Variants in SEMA6D observed in about 807,000 individuals in gnomAD.
SEMA6D encodes the protein semaphorin 6D, also known as semaphorin-6D.
SEMA6D carries 35 observed loss-of-function variants against 106.6 expected under a neutral mutation model. The ratio of observed to expected loss-of-function variants is 0.33; its 90% CI spans 0.25 to 0.44. The LOEUF is 0.44. Among genes scored for constraint, SEMA6D ranks in the 20% least tolerant of loss-of-function variants. SEMA6D has a pLI of 1.00. For synonymous variants in SEMA6D, 499 were observed against 487.7 expected, an observed-to-expected ratio of 1.02 and a Z score of -0.31; for missense variants, 1,185 against 1,345.9, an observed-to-expected ratio of 0.88 and a Z score of 1.87.
Position 47,399,838 on chromosome 15 carries a change from C to T in SEMA6D, c.-238-12555C>T, listed in dbSNP as rs1433766852. 2.6e-5 allele frequency among the ~76,000 whole-genome samples: 4 copies of T among 152,218 alleles called. No homozygotes were observed. In the South Asian group the frequency reaches 6.2e-4, roughly 24 times the overall value. On this transcript the variant is annotated intron_variant, in intron 1 of 19. Coordinates refer to the SEMA6D transcript ENST00000558014. ...TCGGAAGAAAAGACATGTGAAAGAACATCCCTGAGAGAAGAAATGGTTAGT... is the reference window on the plus strand; with the variant it reads ...TCGGAAGAAAAGACATGTGAAAGAATATCCCTGAGAGAAGAAATGGTTAGT...
At chr15:47,452,963 T>C (rs1183125961) in intron 2 of SEMA6D, among the ~76,000 whole-genome samples, 1 of 152,028 alleles carries the variant, frequency 6.6e-6, no homozygotes, top group African/African-American at 2.4e-5. Context: ...TATTTGTTTG[T>C]TTGTTTTAGT....
chr15:47,761,679 G>T lies in SEMA6D; in HGVS notation c.466G>T (p.Asp156Tyr). The T allele has an allele frequency of 6.2e-7, 1 of 1,613,272 alleles. No individual in the cohort carries two copies. Among genetic ancestry groups the T allele is most frequent in the Non-Finnish European group, 8.5e-7 (1 of 1,179,544 alleles). The stretch of plus-strand genomic sequence containing the variant: ...TTTGTAGTTGAGTACCTTAGAATAT[G>T]ATGGGGAAGAAATTAGTGGCCTGGC... ...RYYRLSTLEYDGEEISGLARC... is the reference protein window; with the variant it reads ...RYYRLSTLEYYGEEISGLARC... Residue 156 changes from aspartate (D) to tyrosine (Y), a missense_variant, in exon 7 of 19, where the codon GAT becomes TAT. Coordinates refer to ENST00000536845, the MANE Select transcript of SEMA6D (RefSeq NM_001358351.3).
chr15:47,256,274 C>A (rs1054468026), intron 1 of SEMA6D, among the ~76,000 whole-genome samples: 2 of 152,066 alleles, frequency 1.3e-5, no homozygotes, highest in African/African-American at 4.8e-5. Flanking sequence ...ATAGAAGTTG[C>A]GTTAAACCTG....
intron 3 of SEMA6D, among the ~76,000 whole-genome samples, chr15:47,526,568 G>A (rs1209809095): frequency 6.6e-6 from 1 of 152,090 alleles, no homozygotes; most frequent in African/African-American, 2.4e-5. Context: ...CTGCTAGAAC[G>A]TGCATATTTA....
intron 1 of SEMA6D, among the ~76,000 whole-genome samples, chr15:47,285,744 T>C (rs1484200099): frequency 6.6e-6 from 1 of 152,188 alleles, no homozygotes; most frequent in Non-Finnish European, 1.5e-5. Flanking sequence ...GACTCACTTG[T>C]AGAAGTCCTT....
intron 1 of SEMA6D, among the ~76,000 whole-genome samples, chr15:47,367,450 A>G (rs1313879599): frequency 6.6e-6 from 1 of 152,160 alleles, no homozygotes; most frequent in African/African-American, 2.4e-5. Flanking sequence ...GTCTTCTCAC[A>G]TCAATTAACC....
At chr15:47,711,945 T>C (rs968361348) in intron 4 of SEMA6D, among the ~76,000 whole-genome samples, 3 of 152,118 alleles carry the variant, frequency 2.0e-5, no homozygotes, top group African/African-American at 4.8e-5. Context: ...TGCTTAAGAT[T>C]TGGGGGAAGA....
intron 1 of SEMA6D, among the ~76,000 whole-genome samples, chr15:47,265,898 T>C (rs941764754): frequency 2.6e-5 from 4 of 152,102 alleles, no homozygotes; most frequent in Non-Finnish European, 4.4e-5. Flanking sequence ...CATAGTCACG[T>C]TGGGATGACA....
chr15:47,256,029 T>C (rs952448435), intron 1 of SEMA6D, among the ~76,000 whole-genome samples: 15 of 152,030 alleles, frequency 9.9e-5, no homozygotes, highest in African/African-American at 3.6e-4. Context: ...TATTTCTGAG[T>C]TTCTTAGTCT....
intron 1 of SEMA6D, among the ~76,000 whole-genome samples, chr15:47,350,646 T>C (rs1405930538): frequency 6.6e-6 from 1 of 152,194 alleles, no homozygotes; most frequent in African/African-American, 2.4e-5. Context: ...TTCTCATCTT[T>C]ATTATTAAAA....
intron 1 of SEMA6D, among the ~76,000 whole-genome samples, chr15:47,721,480 GA>G (rs35050192): frequency 7.9e-5 from 12 of 151,198 alleles, no homozygotes; most frequent in Middle Eastern, 3.4e-3. Context: ...TCCAATTGGG[GA>G]AAAAAAAAGT....
intron 1 of SEMA6D, among the ~76,000 whole-genome samples, chr15:47,402,385 C>G (rs2040427030): frequency 6.6e-6 from 1 of 152,114 alleles, no homozygotes. Context: ...GTTCAAGATG[C>G]TGTAATGAGA....
intron 4 of SEMA6D, among the ~76,000 whole-genome samples, chr15:47,619,940 T>C (rs2077069531): frequency 3.9e-5 from 6 of 152,184 alleles, no homozygotes; most frequent in Admixed American, 3.9e-4. Flanking sequence ...GATTTTATTA[T>C]TTTAATTGAT....
At chr15:47,652,226 T>C (rs1019150305) in intron 4 of SEMA6D, among the ~76,000 whole-genome samples, 2 of 152,180 alleles carry the variant, frequency 1.3e-5, no homozygotes, top group African/African-American at 4.8e-5. Context: ...GCTTCTGATA[T>C]ATAGAAATAT....
At chr15:47,725,151 C>G (rs945826541) in intron 1 of SEMA6D, among the ~76,000 whole-genome samples, 1 of 152,174 alleles carries the variant, frequency 6.6e-6, no homozygotes, top group African/African-American at 2.4e-5. Context: ...AGAGGATAGA[C>G]ACATATTGAA....
intron 1 of SEMA6D, chr15:47,359,783 A>C (rs1367870765): frequency 6.6e-6 from 1 of 152,174 alleles, no homozygotes; most frequent in Non-Finnish European, 1.5e-5. Context: ...TATTTGTCAG[A>C]ATTAGCTCCA....
chr15:47,259,836 C>T (rs2033984811), intron 1 of SEMA6D, among the ~76,000 whole-genome samples: 1 of 151,806 alleles, frequency 6.6e-6, no homozygotes, highest in Non-Finnish European at 1.5e-5. Flanking sequence ...GTCATTGTCC[C>T]ATAGGTCCCA....
intron 4 of SEMA6D, among the ~76,000 whole-genome samples, chr15:47,705,780 A>C (rs1419258424): frequency 4.6e-5 from 7 of 152,214 alleles, no homozygotes; most frequent in Admixed American, 3.3e-4. Flanking sequence ...GAGAAAGTGC[A>C]GGGCCAAAGT....
At chr15:47,226,335 C>T (rs921468084) in intron 1 of SEMA6D, among the ~76,000 whole-genome samples, 1 of 151,940 alleles carries the variant, frequency 6.6e-6, no homozygotes. Flanking sequence ...GTTGTGTAAG[C>T]CATCCAGTTT....
Sources: allele counts gnomAD v4.1 joint callset (sites outside exome capture counted in the v4.1 genomes callset), GRCh38; gene constraint gnomAD v4.1.1; transcripts MANE v1.5; gene names NCBI Gene and HGNC (gene_info 2026-07-23, HGNC 2026-07-21).